The following SARDH variants were observed in gnomAD, a reference collection of about 807,000 sequenced individuals.
SARDH encodes sarcosine dehydrogenase, mitochondrial.
In SARDH, 95 loss-of-function variants were observed where a neutral mutation model predicts 109.1. That is an observed-to-expected ratio of 0.87 (90% CI 0.74 to 1.03). The LOEUF is 1.03. Among genes scored for constraint, SARDH ranks in the 50% least tolerant of loss-of-function variants. The pLI is 0.00. For synonymous variants in SARDH, 572 were observed against 534.8 expected (o/e 1.07, Z -0.96); for missense variants, 1,267 against 1,287.8 (o/e 0.98, Z 0.25).
At chr9:133,713,843 A>G (rs1234074297) in intron 8 of SARDH, among the ~76,000 whole-genome samples, 1 of 152,258 alleles carries the variant, frequency 6.6e-6, no homozygotes, top group African/African-American at 2.4e-5. Context: ...CTGGGATAGC[A>G]GAACCTCCAC....
At chr9:133,672,435 T>G (rs1024348572) in intron 17 of SARDH, among the ~76,000 whole-genome samples, 2 of 152,242 alleles carry the variant, frequency 1.3e-5, no homozygotes, top group Non-Finnish European at 2.9e-5. Context: ...GGCAAGCTTC[T>G]CACCCTTCCT....
intron 6 of SARDH, among the ~76,000 whole-genome samples, chr9:133,725,232 A>G (rs1342038522): frequency 1.3e-5 from 2 of 152,208 alleles, no homozygotes; most frequent in Non-Finnish European, 2.9e-5. Flanking sequence ...GGAGTGATTG[A>G]TAACGGGTAT....
intron 13 of SARDH, among the ~76,000 whole-genome samples, chr9:133,699,729 T>C (rs1213000918): frequency 2.0e-5 from 3 of 152,154 alleles, no homozygotes; most frequent in Non-Finnish European, 4.4e-5. Flanking sequence ...ATAATAAGTG[T>C]TGGCGAGGAT....
In SARDH at chr9:133,708,414, G is replaced by T; in HGVS notation, c.1343C>A (p.Ser448Ter). 3 of 1,610,612 alleles carry T rather than the reference G, an allele frequency of 1.9e-6. No homozygotes were observed. The highest frequency in any genetic ancestry group is 2.5e-6 in the Non-Finnish European group (3 of 1,178,922). ...GATCCAGCGGGGGTGGTCCGTGAGC[G>T]AGTGATGGAAGCGCCTGCCGCAGAC... is the stretch of plus-strand genomic sequence containing the variant. ...HGYDIRRFHH[S>*]LTDHPRWIRE... Residue 448 changes from serine to a stop codon, truncating the protein, a stop_gained, in exon 11 of 21, where the codon TCG (serine) becomes TAG (stop). Transcript: ENST00000439388. LOFTEE classifies it high-confidence loss of function.
At position 133,672,810 on chromosome 9, in the gene SARDH, G is replaced by A. The variant is rs1045994740; in HGVS notation, c.2164-1113C>T. 6.6e-5 allele frequency among the ~76,000 whole-genome samples: 10 copies of A among 152,234 alleles called. No individual in the cohort carries two copies. The East Asian group carries it at 1.5e-3, about 23-fold the overall frequency. ...CTAGCAGGCAGACCAGGAGATTGCCGTCGCAGACGGGCCTTCCAGGTGAGG... is the reference window on the plus strand; with the variant it reads ...CTAGCAGGCAGACCAGGAGATTGCCATCGCAGACGGGCCTTCCAGGTGAGG... On this transcript the variant is annotated intron_variant, in intron 17 of 20. Coordinates refer to ENST00000439388, the MANE Select transcript of SARDH (RefSeq NM_001134707.2).
chr9:133,710,000 T>C lies in SARDH; in HGVS notation c.1329-1572A>G, dbSNP rs1368294552. On this transcript the variant is annotated intron_variant, in intron 10 of 20. Transcript: ENST00000439388. This position sits in a 1 kb window ranked among gnomAD's most constrained non-coding sequence, Gnocchi z 4.2. ...CGGGTGGCAGGAGCAGCGAGTGACC[T>C]ACAGAGTCCCAGCTGCCAATTCGGC... is the stretch of plus-strand genomic sequence containing the variant. Among the ~76,000 whole-genome samples the C allele has an allele frequency of 6.6e-6, 1 of 152,094 alleles. No homozygotes were observed. The highest frequency in any genetic ancestry group is 2.4e-5 in the African/African-American group (1 of 41,404).
At chr9:133,726,394 A>ATAATAATAG (rs59172198) in intron 6 of SARDH, among the ~76,000 whole-genome samples, 182 of 132,346 alleles carry the variant, frequency 1.4e-3, no homozygotes, top group African/African-American at 3.0e-3. Context: ...AATAATAATA[A>ATAATAATAG]TAGTAGTAGT....
intron 4 of SARDH, among the ~76,000 whole-genome samples, chr9:133,730,446 G>A (rs1225524885): frequency 7.3e-6 from 1 of 137,332 alleles, no homozygotes; most frequent in Non-Finnish European, 1.5e-5. Context: ...TTTTCATAAC[G>A]TGAAAAAGTA....
At chr9:133,660,620 T>C (rs1301372357), downstream of SARDH, among the ~76,000 whole-genome samples, 1 of 152,142 alleles carries the variant, frequency 6.6e-6, no homozygotes, top group South Asian at 2.1e-4. Flanking sequence ...CTGAGTTAGT[T>C]ACTTTCCTTC....
intron 13 of SARDH, among the ~76,000 whole-genome samples, chr9:133,702,655 C>T (rs1831532375): frequency 3.3e-5 from 5 of 152,352 alleles, no homozygotes; most frequent in Admixed American, 1.3e-4. Flanking sequence ...TTGCCTCCGC[C>T]CCCACCTCAC....
chr9:133,708,537 C>G (rs1831791841), intron 10 of SARDH, 109 bp from the exon 11 acceptor site: 6 of 1,383,228 alleles, frequency 4.3e-6, no homozygotes, highest in South Asian at 2.9e-5. Flanking sequence ...CCAGAGTCCC[C>G]TTTGTGGCTC....
rs537877656 is a variant in SARDH at position 133,688,339 on chromosome 9, C to A, written c.2069+2041G>T. Among the ~76,000 whole-genome samples, 660 of 151,952 alleles carry A rather than the reference C, an allele frequency of 4.3e-3. 5 individuals carry two copies. Among genetic ancestry groups the A allele is most frequent in the African/African-American group, 0.015 (627 of 41,434 alleles). On this transcript the variant is annotated intron_variant, in intron 16 of 20. Coordinates refer to ENST00000439388, the MANE Select transcript of SARDH (RefSeq NM_001134707.2). The stretch of plus-strand genomic sequence containing the variant: ...GGAAGCTGTCTCTGTCCCCTACCCT[C>A]CCCCGACCCTCTCAGCACACCCCAT...
chr9:133,725,833 G>A (rs1056737871), intron 6 of SARDH, among the ~76,000 whole-genome samples: 3 of 152,168 alleles, frequency 2.0e-5, no homozygotes, highest in Admixed American at 1.3e-4. Flanking sequence ...TGTACCCGAG[G>A]AACAGCCTTC....
chr9:133,690,540 C>T lies in SARDH; in HGVS notation c.1922-13G>A, dbSNP rs766193819. The T allele has an allele frequency of 6.3e-7, 1 of 1,591,142 alleles. No homozygotes were observed. Among genetic ancestry groups the T allele is most frequent in the South Asian group, 1.1e-5 (1 of 90,906 alleles). On this transcript the variant is annotated splice_polypyrimidine_tract_variant and intron_variant, in intron 15 of 20. Coordinates refer to ENST00000439388, the MANE Select transcript of SARDH (RefSeq NM_001134707.2). ...TAGTAACCGTCCCCTGGAAGAGAGG[C>T]ACCTGGACTTAGAGCAGGATTTCAG...
chr9:133,704,734 G>A lies in SARDH; in HGVS notation c.1554+214C>T, dbSNP rs979563118. On this transcript the variant is annotated intron_variant, in intron 12 of 20. Coordinates refer to ENST00000439388, the MANE Select transcript of SARDH (RefSeq NM_001134707.2). The surrounding 1 kb of genome is among the most constrained non-coding windows in gnomAD (Gnocchi z 4.5). The stretch of plus-strand genomic sequence containing the variant: ...AGCGGACGGGTAGTGGGGAGGACGA[G>A]GAGTGGGAATTGCGTGAACGGCACA... 6.6e-6 allele frequency among the ~76,000 whole-genome samples: 1 copy of A among 152,232 alleles called. No homozygotes were observed. Among genetic ancestry groups the A allele is most frequent in the African/African-American group, 2.4e-5 (1 of 41,454 alleles).
chr9:133,730,899 C>T (rs898706190), intron 4 of SARDH, among the ~76,000 whole-genome samples: 4 of 152,118 alleles, frequency 2.6e-5, no homozygotes, highest in African/African-American at 7.2e-5. Context: ...ATGGCATGAA[C>T]CCGGGAGGCA....
At chr9:133,713,237 A>C in intron 8 of SARDH, 113 bp from the exon 9 acceptor site, 2 of 805,870 alleles carry the variant, frequency 2.5e-6, no homozygotes, top group Non-Finnish European at 4.0e-6. Flanking sequence ...CCTCCACCCA[A>C]CCCCCTCCCT....
At chr9:133,731,529 C>G in intron 3 of SARDH, 45 bp from the exon 4 acceptor site, 2 of 1,589,750 alleles carry the variant, frequency 1.3e-6, no homozygotes, top group Middle Eastern at 1.7e-4. Context: ...GGGGAGCAGA[C>G]CCCTGGGCCA....
At chr9:133,729,972 C>G in intron 5 of SARDH, 92 bp downstream of exon 5, 1 of 1,591,234 alleles carries the variant, frequency 6.3e-7, no homozygotes, top group South Asian at 1.1e-5. Flanking sequence ...GCAGGGGCTC[C>G]CCACCCCAGA....
Sources: allele counts gnomAD v4.1 joint callset (sites outside exome capture counted in the v4.1 genomes callset), GRCh38; gene constraint gnomAD v4.1.1; non-coding constraint Gnocchi (gnomAD v3.1); transcripts MANE v1.5; gene names NCBI Gene and HGNC (gene_info 2026-07-23, HGNC 2026-07-21).